The following GPKOW variants were observed in gnomAD, a reference collection of about 807,000 sequenced individuals.
GPKOW encodes G-patch domain and KOW motifs.
For synonymous variants in GPKOW, 167 were observed against 159.1 expected, an observed-to-expected ratio of 1.05 and a Z score of -0.37; for missense variants, 359 against 404.7, an observed-to-expected ratio of 0.89 and a Z score of 0.97.
At chrX:49,123,091 A>G (rs2065219360) in intron 1 of GPKOW, among the ~76,000 whole-genome samples, 3 of 110,837 alleles carry the variant, frequency 2.7e-5, no homozygotes, top group Admixed American at 1.9e-4. Flanking sequence ...GTTCCCAAAC[A>G]GCTTCCTAGA....
rs2065178798 is a variant in GPKOW, at chrX:49,113,410, T to C, written c.*211A>G. ...ATGATTTCATCTTTCTATTAAGTACTTGAAATGGTTTTTATTATACCCTAA... is the reference window on the plus strand; with the variant it reads ...ATGATTTCATCTTTCTATTAAGTACCTGAAATGGTTTTTATTATACCCTAA... On this transcript the variant is annotated 3_prime_UTR_variant, in exon 11 of 11. Coordinates refer to ENST00000156109, the MANE Select transcript of GPKOW (RefSeq NM_015698.6). 4.8e-6 allele frequency: 2 copies of C among 417,425 alleles called. No homozygotes were observed. Among genetic ancestry groups the C allele is most frequent in the Admixed American group, 8.2e-5 (2 of 24,328 alleles). The allele number at this position is 417,425 out of a possible 1,213,427, so 34.4% of individuals were successfully genotyped here.
intron 1 of GPKOW, 33 bp from the exon 2 acceptor site, chrX:49,122,809 A>C: frequency 8.6e-7 from 1 of 1,160,420 alleles, no homozygotes. Context: ...GGGTTGGGAG[A>C]ATGGCAGGGT....
rs1557091219 is a variant in GPKOW, at chrX:49,122,503, T to C, written c.351A>G (p.Glu117=). The C allele has an allele frequency of 8.3e-7, 1 of 1,207,156 alleles. No homozygotes were observed. Reference sequence around the variant, plus strand: ...GGTCGACACCCGCATTCTCTCTCTCTTCCAGAGACTTCTTGGATTCTAAAG... The same window carrying C: ...GGTCGACACCCGCATTCTCTCTCTCCTCCAGAGACTTCTTGGATTCTAAAG... ...ELIAESKKSL[E]ERENAGVDPT... Residue 117 remains glutamate (E), a synonymous_variant, in exon 3 of 11, where the codon GAA becomes GAG. Transcript: ENST00000156109.
Position 49,122,512 on chromosome X carries a change from C to T in GPKOW, c.342G>A (p.Lys114=), listed in dbSNP as rs781786640. 1 of 1,208,470 alleles carries T rather than the reference C, an allele frequency of 8.3e-7. No homozygotes were observed. The highest frequency in any genetic ancestry group is 1.8e-5 in the South Asian group (1 of 56,586). Reference sequence around the variant, plus strand: ...CCGCATTCTCTCTCTCTTCCAGAGACTTCTTGGATTCTAAAGGAAGAATAG... The same window carrying T: ...CCGCATTCTCTCTCTCTTCCAGAGATTTCTTGGATTCTAAAGGAAGAATAG... The part of the protein sequence containing the change: ...AVKELIAESK[K]SLEERENAGV... Residue 114 remains lysine, a synonymous_variant, in exon 3 of 11, where the codon AAG becomes AAA. Coordinates refer to ENST00000156109, the MANE Select transcript of GPKOW (RefSeq NM_015698.6).
intron 3 of GPKOW, among the ~76,000 whole-genome samples, chrX:49,121,598 G>C (rs1394692862): frequency 2.7e-5 from 3 of 110,850 alleles, no homozygotes; most frequent in Non-Finnish European, 5.7e-5. Flanking sequence ...AGTCAGGTCT[G>C]TGGGTATGAA....
At chrX:49,118,463 G>T (rs1247709191) in intron 4 of GPKOW, among the ~76,000 whole-genome samples, 1 of 110,418 alleles carries the variant, frequency 9.1e-6, no homozygotes, top group Admixed American at 9.7e-5. Flanking sequence ...ACATGGTTGG[G>T]CATGGTGGCT....
At chrX:49,115,463 C>T (rs1018943733) in intron 9 of GPKOW, among the ~76,000 whole-genome samples, 5 of 93,605 alleles carry the variant, frequency 5.3e-5, no homozygotes, top group East Asian at 6.9e-4. Context: ...GCTGAGATCA[C>T]GCCACTGCAC....
Position 49,117,817 on chromosome X carries a change from G to A in GPKOW, c.567-7C>T. The A allele has an allele frequency of 1.8e-6, 2 of 1,126,374 alleles. No homozygotes were observed. The highest frequency in any genetic ancestry group is 3.1e-5 in the East Asian group (1 of 32,600). The allele number at this position is 1,126,374 out of a possible 1,213,427, so 92.8% of individuals were successfully genotyped here. ...GACACGGGGCTTCACTACTCTGCAG[G>A]GAGGAATATGGGTTTGTTGGAGAGG... is the stretch of plus-strand genomic sequence containing the variant. On this transcript the variant is annotated splice_region_variant and splice_polypyrimidine_tract_variant and intron_variant, in intron 4 of 10. Coordinates refer to ENST00000156109, the MANE Select transcript of GPKOW (RefSeq NM_015698.6).
At chrX:49,117,241 A>G in intron 5 of GPKOW, 79 bp from the exon 6 acceptor site, 1 of 1,036,165 alleles carries the variant, frequency 9.7e-7, no homozygotes, top group Non-Finnish European at 1.3e-6. Context: ...TCAACCCCTT[A>G]CCTCTAAGAG....
intron 7 of GPKOW, 70 bp downstream of exon 7, chrX:49,116,151 C>A (rs2065192952): frequency 9.2e-7 from 1 of 1,088,187 alleles, no homozygotes. Context: ...GCCTTGGAAG[C>A]CTTCCCTGGC....
In GPKOW at chrX:49,117,070, A is replaced by G; in HGVS notation, c.873T>C (p.Pro291=). 8.3e-7 allele frequency: 1 copy of G among 1,206,262 alleles called. No homozygotes were observed. Among genetic ancestry groups the G allele is most frequent in the South Asian group, 1.8e-5 (1 of 56,815 alleles). Residue 291 remains proline (P), a synonymous_variant, in exon 6 of 11, where the codon CCT becomes CCC. Coordinates refer to ENST00000156109, the MANE Select transcript of GPKOW (RefSeq NM_015698.6). ...TCTTGTCAAACTCCTGCTGGGAGAC[A>G]GGCCGCAGGTAGTACTCACTAACAG... is the stretch of plus-strand genomic sequence containing the variant. The part of the protein sequence containing the change: ...VVTVSEYYLR[P]VSQQEFDKNT...
intron 3 of GPKOW, among the ~76,000 whole-genome samples, chrX:49,121,351 C>T (rs1400282858): frequency 2.7e-5 from 3 of 110,511 alleles, no homozygotes; most frequent in Non-Finnish European, 5.7e-5. Flanking sequence ...TCGCTTGATC[C>T]CAGGACCGGG....
Position 49,119,820 on chromosome X carries a change from G to C in GPKOW, c.457-6C>G. ...TAATTAGCCTCCTCTGGCACCTACA[G>C]GTTCAGGTAGAGGAAGGAGGGTCAG... is the stretch of plus-strand genomic sequence containing the variant. On this transcript the variant is annotated splice_polypyrimidine_tract_variant and splice_region_variant and intron_variant, in intron 3 of 10. Coordinates refer to ENST00000156109, the MANE Select transcript of GPKOW (RefSeq NM_015698.6). The C allele has an allele frequency of 9.2e-7, 1 of 1,083,073 alleles. No homozygotes were observed. Among genetic ancestry groups the C allele is most frequent in the Non-Finnish European group, 1.3e-6 (1 of 783,854 alleles). The allele number at this position is 1,083,073 out of a possible 1,213,427, so 89.3% of individuals were successfully genotyped here. A position where few individuals can be genotyped will look rare whatever the true frequency, so the allele number is the denominator to read the frequency against.
chrX:49,121,263 CT>C (rs1223718664), intron 3 of GPKOW, among the ~76,000 whole-genome samples: 2 of 109,754 alleles, frequency 1.8e-5, no homozygotes, highest in Non-Finnish European at 3.8e-5. Context: ...CTCGTCTCTA[CT>C]AAAAATACAA....
At position 49,116,014 on chromosome X, in the gene GPKOW, T is replaced by C. The variant is rs1569524449; in HGVS notation, c.1017A>G (p.Arg339=). The change falls in exon 8 of 11, where the codon CGA becomes CGG. Residue 339 remains arginine, a splice_region_variant and synonymous_variant. Coordinates refer to ENST00000156109, the MANE Select transcript of GPKOW (RefSeq NM_015698.6). ...CACTCTTGGCTGCAGGCCCATCCTG[T>C]CTGTGGAGAAGGTGCCAGCACCAGG... ...SERKRKHLPD[R]QDGPAAKSEK... is the part of the protein sequence containing the mutation. 5.8e-6 allele frequency: 7 copies of C among 1,211,660 alleles called. No homozygotes were observed. The highest frequency in any genetic ancestry group is 3.4e-6 in the Non-Finnish European group (3 of 895,383).
Position 49,122,469 on chromosome X carries a change from C to A in GPKOW, c.385G>T (p.Ala129Ser), listed in dbSNP as rs149562439. 1 of 1,198,975 alleles carries A rather than the reference C, an allele frequency of 8.3e-7. No homozygotes were observed. The highest frequency in any genetic ancestry group is 1.1e-6 in the Non-Finnish European group (1 of 889,974). The change falls in exon 3 of 11, where the codon GCT becomes TCT. Residue 129 changes from alanine to serine, a missense_variant. Coordinates refer to ENST00000156109, the MANE Select transcript of GPKOW (RefSeq NM_015698.6). ...RENAGVDPTL[A>S]IPMIQKGCTP... ...CATCCTTTCTGGATCATGGGGATAGCGAGCGTGGGGTCGACACCCGCATTC... is the reference window on the plus strand; with the variant it reads ...CATCCTTTCTGGATCATGGGGATAGAGAGCGTGGGGTCGACACCCGCATTC...
intron 3 of GPKOW, among the ~76,000 whole-genome samples, chrX:49,120,575 G>A (rs1557090909): frequency 2.7e-5 from 3 of 111,372 alleles, no homozygotes; most frequent in Non-Finnish European, 5.7e-5. Context: ...TCAGTTCTGG[G>A]TGTCATTTTG....
intron 3 of GPKOW, among the ~76,000 whole-genome samples, chrX:49,120,565 T>A (rs2065209837): frequency 9.0e-6 from 1 of 111,204 alleles, no homozygotes; most frequent in South Asian, 3.8e-4. Context: ...TGAGAAGTGG[T>A]CAGTTCTGGG....
chrX:49,114,070 G>T (rs1675119850), intron 9 of GPKOW, 132 bp from the exon 10 acceptor site: 1 of 470,113 alleles, frequency 2.1e-6, no homozygotes, highest in Non-Finnish European at 3.8e-6. Context: ...GGCTAAGTTG[G>T]GAGGATCGCT....
Sources: allele counts gnomAD v4.1 joint callset (sites outside exome capture counted in the v4.1 genomes callset), GRCh38; gene constraint gnomAD v4.1.1; transcripts MANE v1.5; gene names NCBI Gene and HGNC (gene_info 2026-07-23, HGNC 2026-07-21).